PRMT5: variants seen among roughly 807,000 people sequenced by gnomAD.
The protein encoded by PRMT5 is protein arginine methyltransferase 5.
In PRMT5, 15 loss-of-function variants were observed where a neutral mutation model predicts 84.0. That is an observed-to-expected ratio of 0.18 (90% CI 0.12 to 0.28). The LOEUF (loss-of-function observed/expected upper bound fraction) is 0.28, where lower values mean the gene tolerates loss of function less well. Ranked by LOEUF, PRMT5 falls within the 10% of genes least tolerant of loss-of-function variation. The probability of loss-of-function intolerance (pLI) is 1.00; values close to 1 mark genes in which losing one functional copy is unlikely to be tolerated. For synonymous variants in PRMT5, 276 were observed against 292.4 expected (o/e 0.94, Z 0.57); for missense variants, 486 against 808.0 (o/e 0.60, Z 4.83).
At chr14:22,925,178 T>A in intron 7 of PRMT5, 138 bp from the exon 8 acceptor site, 4 of 914,248 alleles carry the variant, frequency 4.4e-6, no homozygotes, top group African/African-American at 1.7e-5. Flanking sequence ...AAAAAAAAGA[T>A]GGAGTCTCGC....
At chr14:22,926,961 C>A (rs2044433873) in intron 4 of PRMT5, 147 bp from the exon 5 acceptor site, 3 of 626,288 alleles carry the variant, frequency 4.8e-6, no homozygotes, top group Non-Finnish European at 8.6e-6. Flanking sequence ...GAACATGTAC[C>A]TTATATATAG....
In PRMT5 at chr14:22,923,153, A is replaced by G. The variant is rs771135137; in HGVS notation, c.1383T>C (p.Gly461=). 10 of 1,608,624 alleles carry G rather than the reference A, an allele frequency of 6.2e-6. No homozygotes were observed. Among genetic ancestry groups the G allele is most frequent in the Non-Finnish European group, 8.5e-6 (10 of 1,176,754 alleles). Residue 461 remains glycine, a synonymous_variant, in exon 13 of 17, where the codon GGT becomes GGC. Coordinates refer to ENST00000324366, the MANE Select transcript of PRMT5 (RefSeq NM_006109.5). This position sits in a 1 kb window ranked among gnomAD's most constrained non-coding sequence, Gnocchi z 5.2. ...AAGTGTACTCCCCGGGGATGCTCAC[A>G]CCATCATCTGCACAGCAGGAGAGTC... ...DGAQHFLKDD[G]VSIPGEYTSF...
At chr14:22,926,353 C>T in intron 6 of PRMT5, 57 bp from the exon 7 acceptor site, 1 of 1,602,766 alleles carries the variant, frequency 6.2e-7, no homozygotes. Context: ...CCCTTCCTTG[C>T]TCCTTTGCGC....
Position 22,928,023 on chromosome 14 carries a change from T to C in PRMT5, c.315+103A>G, listed in dbSNP as rs1211107613. ...AGCACCCAGCCTAATAGCTTTAATT[T>C]CATTCTATCAGTTAATTTACCAAGT... is the stretch of plus-strand genomic sequence containing the variant. On this transcript the variant is annotated intron_variant, in intron 3 of 16. Coordinates refer to ENST00000324366, the MANE Select transcript of PRMT5 (RefSeq NM_006109.5). The surrounding 1 kb of genome is among the most constrained non-coding windows in gnomAD (Gnocchi z 4.8). The C allele has an allele frequency of 6.7e-6, 7 of 1,050,302 alleles. No individual in the cohort carries two copies. In the African/African-American group the frequency reaches 9.6e-5, roughly 14 times the overall value. The allele number at this position is 1,050,302 out of a possible 1,614,324, so 65.1% of individuals were successfully genotyped here. A position where few individuals can be genotyped will look rare whatever the true frequency, so the allele number is the denominator to read the frequency against.
Position 22,920,662 on chromosome 14 carries a change from C to T in PRMT5, c.*242G>A, listed in dbSNP as rs1444414993. ...TCCAGGGAGTTCTTGAGGCTGAGTG[C>T]GTAGCTTCAAATCCAGCACTAATTC... On this transcript the variant is annotated 3_prime_UTR_variant, in exon 17 of 17. Coordinates refer to ENST00000324366, the MANE Select transcript of PRMT5 (RefSeq NM_006109.5). 1.4e-5 allele frequency: 10 copies of T among 702,048 alleles called. No homozygotes were observed. The highest frequency in any genetic ancestry group is 2.8e-5 in the East Asian group (1 of 35,188). The allele number at this position is 702,048 out of a possible 1,614,324, so 43.5% of individuals were successfully genotyped here.
rs1243468332 is a variant in PRMT5, at chr14:22,928,461, C to T, written c.229+36G>A. On this transcript the variant is annotated intron_variant, in intron 2 of 16. Coordinates refer to ENST00000324366, the MANE Select transcript of PRMT5 (RefSeq NM_006109.5). This position sits in a 1 kb window ranked among gnomAD's most constrained non-coding sequence, Gnocchi z 4.8. ...CCGATAAAGCAGAAGTTGTTATTGC[C>T]TCTAATAATTAAGGGGCATATGGGA... 1 of 1,515,404 alleles carries T rather than the reference C, an allele frequency of 6.6e-7. No individual in the cohort carries two copies. Among genetic ancestry groups the T allele is most frequent in the Admixed American group, 1.7e-5 (1 of 59,600 alleles). 93.9% of individuals were successfully genotyped at this position (1,515,404 alleles called of 1,614,324 possible).
At chr14:22,926,097 T>C (rs777637228) in intron 7 of PRMT5, 36 bp downstream of exon 7, 3 of 1,555,584 alleles carry the variant, frequency 1.9e-6, no homozygotes, top group Non-Finnish European at 2.7e-6. Context: ...GCAAGATGTA[T>C]AGCTGGACTA....
intron 7 of PRMT5, 57 bp downstream of exon 7, chr14:22,926,075 CA>C: frequency 6.7e-7 from 1 of 1,490,770 alleles, no homozygotes; most frequent in Non-Finnish European, 9.2e-7. Flanking sequence ...CGATCATACA[CA>C]GGTAAATAAG....
At position 22,921,059 on chromosome 14, in the gene PRMT5, G is replaced by A. The variant is rs762274633; in HGVS notation, c.1762-3C>T. On this transcript the variant is annotated splice_polypyrimidine_tract_variant and splice_region_variant and intron_variant, in intron 16 of 16. Transcript: ENST00000324366. ...CCTTCACGTACCGTTATGGGCTGCT[G>A]TAAGAAGAAAGACAGGAAGGTTCAG... is the stretch of plus-strand genomic sequence containing the variant. The A allele has an allele frequency of 1.9e-6, 3 of 1,614,030 alleles. No individual in the cohort carries two copies. Among genetic ancestry groups the A allele is most frequent in the South Asian group, 1.1e-5 (1 of 91,090 alleles).
At chr14:22,926,039 A>T in intron 7 of PRMT5, 94 bp downstream of exon 7, 1 of 1,338,196 alleles carries the variant, frequency 7.5e-7, no homozygotes, top group Non-Finnish European at 1.0e-6. Context: ...AAACCAAAGA[A>T]AAAGAGTCAG....
At position 22,928,126 on chromosome 14, in the gene PRMT5, C is replaced by T. The variant is rs2044467500; in HGVS notation, c.315G>A (p.Ala105=). The T allele has an allele frequency of 1.9e-6, 3 of 1,613,422 alleles. No individual in the cohort carries two copies. The highest frequency in any genetic ancestry group is 3.3e-5 in the Admixed American group (2 of 59,908). ...CAGCAGAGAAGTCAAACAGTCTTAC[C>T]GCCTCGGAGTTCCTGCGAATCTTCT... is the stretch of plus-strand genomic sequence containing the variant. ...KVEKIRRNSE[A]AMLQELNFGA... The change falls in exon 3 of 17, where the codon GCG becomes GCA. Residue 105 remains alanine (A), a splice_region_variant and synonymous_variant. Coordinates refer to ENST00000324366, the MANE Select transcript of PRMT5 (RefSeq NM_006109.5). This position sits in a 1 kb window ranked among gnomAD's most constrained non-coding sequence, Gnocchi z 4.8.
At chr14:22,926,350 T>C (rs2044418699) in intron 6 of PRMT5, 54 bp from the exon 7 acceptor site, 7 of 1,605,144 alleles carry the variant, frequency 4.4e-6, no homozygotes, top group Non-Finnish European at 6.0e-6. Context: ...AAACCCTTCC[T>C]TGCTCCTTTG....
rs1463998409 is a variant in PRMT5 at position 22,924,190 on chromosome 14, C to T, written c.1200-7G>A. On this transcript the variant is annotated splice_region_variant and splice_polypyrimidine_tract_variant and intron_variant, in intron 11 of 16. Coordinates refer to ENST00000324366, the MANE Select transcript of PRMT5 (RefSeq NM_006109.5). This position sits in a 1 kb window ranked among gnomAD's most constrained non-coding sequence, Gnocchi z 6.5. ...AAACTGCCAGTTCTCTAGCCTGAAA[C>T]AGAGACAATAAGGTAAGGAGAGATG... The T allele has an allele frequency of 6.2e-7, 1 of 1,609,988 alleles. No homozygotes were observed. Among genetic ancestry groups the T allele is most frequent in the African/African-American group, 1.3e-5 (1 of 74,838 alleles).
Position 22,928,870 on chromosome 14 carries a change from C to G in PRMT5, c.111-255G>C, listed in dbSNP as rs1244794013. ...ATATCCACAAGTAGAATTTTTTTCTCCTCAGGTGTCAGTATGTTTCCAAGA... is the reference window on the plus strand; with the variant it reads ...ATATCCACAAGTAGAATTTTTTTCTGCTCAGGTGTCAGTATGTTTCCAAGA... On this transcript the variant is annotated intron_variant, in intron 1 of 16. Transcript: ENST00000324366. The surrounding 1 kb of genome is among the most constrained non-coding windows in gnomAD (Gnocchi z 4.8). Among the ~76,000 whole-genome samples the G allele has an allele frequency of 6.6e-6, 1 of 151,996 alleles. No homozygotes were observed. Among genetic ancestry groups the G allele is most frequent in the Non-Finnish European group, 1.5e-5 (1 of 67,976 alleles).
chr14:22,926,367 A>C (rs2044419139), intron 6 of PRMT5, 71 bp from the exon 7 acceptor site: 1 of 1,598,070 alleles, frequency 6.3e-7, no homozygotes, highest in Non-Finnish European at 8.6e-7. Context: ...TTTGCGCAAA[A>C]TCTGTTTACT....
rs142791641 is a variant in PRMT5 at position 22,921,654 on chromosome 14, G to T, written c.1761+522C>A. The stretch of plus-strand genomic sequence containing the variant: ...AATCCCAGCACTTTGGGAGGCTGAG[G>T]TGGGCGGATCATGAGGTCAGGAGAT... On this transcript the variant is annotated intron_variant, in intron 16 of 16. Transcript: ENST00000324366. Among the ~76,000 whole-genome samples, 1,389 of 152,274 alleles carry T rather than the reference G, an allele frequency of 9.1e-3. 20 individuals carry two copies. Among genetic ancestry groups the T allele is most frequent in the African/African-American group, 0.032 (1,338 of 41,544 alleles).
At position 22,929,340 on chromosome 14, in the gene PRMT5, C is replaced by A; in HGVS notation, c.22G>T (p.Gly8Cys). 3 of 1,610,306 alleles carry A rather than the reference C, an allele frequency of 1.9e-6. No individual in the cohort carries two copies. Among genetic ancestry groups the A allele is most frequent in the Non-Finnish European group, 2.5e-6 (3 of 1,179,004 alleles). The change falls in exon 1 of 17, where the codon GGT (glycine) becomes TGT (cysteine). Residue 8 changes from glycine (G) to cysteine (C), a missense_variant. Transcript: ENST00000324366. ...CTGGACACGCGGCTCCCACCAGCACCCCCGACCGCCATCGCCGCCATCTTT... is the reference window on the plus strand; with the variant it reads ...CTGGACACGCGGCTCCCACCAGCACACCCGACCGCCATCGCCGCCATCTTT... MAAMAVG[G>C]AGGSRVSSGR...
At chr14:22,925,403 C>T (rs1164156939) in intron 7 of PRMT5, among the ~76,000 whole-genome samples, 1 of 151,866 alleles carries the variant, frequency 6.6e-6, no homozygotes, top group East Asian at 2.0e-4. Context: ...ATGATCCATC[C>T]GCCTCAGCCT....
At chr14:22,921,806 C>T (rs4982707) in intron 16 of PRMT5, among the ~76,000 whole-genome samples, 69,422 of 149,492 alleles carry the variant, frequency 0.46, 19,657 homozygotes, top group East Asian at 0.79. Context: ...GGCATGAACC[C>T]GGGAGGCGGA....
Sources: gnomAD v4.1 joint callset for allele counts (sites outside exome capture counted in the v4.1 genomes callset) on GRCh38, gnomAD v4.1.1 for gene constraint, Gnocchi (gnomAD v3.1) non-coding constraint, MANE v1.5 for transcripts, NCBI Gene and HGNC (gene_info 2026-07-23, HGNC 2026-07-21) for gene names.